The following SPPL2B variants were observed in gnomAD, a reference collection of about 807,000 sequenced individuals.
SPPL2B encodes signal peptide peptidase-like 2B.
SPPL2B carries 39 observed loss-of-function variants against 59.7 expected under a neutral mutation model. The ratio of observed to expected loss-of-function variants is 0.65; its 90% CI spans 0.51 to 0.85. The LOEUF (loss-of-function observed/expected upper bound fraction) is 0.85, where lower values mean the gene tolerates loss of function less well. SPPL2B is among the 40% of genes least tolerant of loss of function. The pLI, the probability that SPPL2B is intolerant of heterozygous loss-of-function variation, is 0.00. For synonymous variants in SPPL2B, 419 were observed against 370.8 expected, an observed-to-expected ratio of 1.13 and a Z score of -1.49; for missense variants, 865 against 849.0, an observed-to-expected ratio of 1.02 and a Z score of -0.23.
At chr19:2,348,776 T>A in intron 13 of SPPL2B, among the ~76,000 whole-genome samples, 1 of 130,720 alleles carries the variant, frequency 7.6e-6, no homozygotes, top group Non-Finnish European at 1.6e-5. Flanking sequence ...CGCGCTCTCA[T>A]TCGCTTGATT....
Position 2,341,473 on chromosome 19 carries a change from C to A in SPPL2B, c.956+459C>A, listed in dbSNP as rs561554444. On this transcript the variant is annotated intron_variant, in intron 8 of 14. Transcript: ENST00000613503. ...GAGGTGGGGCAGGCACTGCTCCCCC[C>A]ACGCTCACCTCCCACGTGGCCTGGA... 427 of 445,450 alleles carry A rather than the reference C, an allele frequency of 9.6e-4. 4 individuals are homozygous for A. Among genetic ancestry groups the A allele is most frequent in the African/African-American group, 7.1e-3 (355 of 50,056 alleles). 27.6% of individuals were successfully genotyped at this position (445,450 alleles called of 1,614,324 possible).
intron 12 of SPPL2B, among the ~76,000 whole-genome samples, chr19:2,344,933 T>TG (rs1969281757): frequency 6.6e-6 from 1 of 152,132 alleles, no homozygotes; most frequent in Admixed American, 6.5e-5. Context: ...GGGTCCTTGC[T>TG]GGGGCCTGGA....
At chr19:2,348,292 C>T (rs797016200) in intron 13 of SPPL2B, among the ~76,000 whole-genome samples, 60 of 46,694 alleles carry the variant, frequency 1.3e-3, no homozygotes, top group Non-Finnish European at 1.5e-3. Flanking sequence ...CCGTTCTCTC[C>T]CTCCACACAC....
intron 8 of SPPL2B, chr19:2,342,370 G>A (rs1313324771): frequency 6.6e-6 from 1 of 152,324 alleles, no homozygotes; most frequent in African/African-American, 2.4e-5. Context: ...TTAATAAACA[G>A]TTTGGGCACG....
intron 7 of SPPL2B, 79 bp from the exon 8 acceptor site, chr19:2,340,819 G>T: frequency 1.2e-6 from 1 of 808,510 alleles, no homozygotes; most frequent in Admixed American, 2.5e-5. Flanking sequence ...GGGGTGCCTG[G>T]GCCGGTCCCA....
chr19:2,343,935 G>C, intron 9 of SPPL2B, 30 bp from the exon 10 acceptor site: 1 of 1,530,444 alleles, frequency 6.5e-7, no homozygotes, highest in Non-Finnish European at 8.8e-7. Context: ...GGGCCGGGGT[G>C]GGGGCCGCCC....
At chr19:2,348,855 TCA>T (rs779148274) in intron 13 of SPPL2B, among the ~76,000 whole-genome samples, 1 of 127,920 alleles carries the variant, frequency 7.8e-6, no homozygotes, top group Admixed American at 8.5e-5. Context: ...CCACACACAC[TCA>T]CGCGCTGTCA....
rs1283174479 is a variant in SPPL2B, at chr19:2,351,266, A to G, written c.1355-168A>G. Among the ~76,000 whole-genome samples, 7 of 152,210 alleles carry G rather than the reference A, an allele frequency of 4.6e-5. 2 individuals carry two copies. Among genetic ancestry groups the G allele is most frequent in the South Asian group, 2.1e-4 (1 of 4,822 alleles). ...GGCCCAGGAGGTGCCGGAAGGATCC[A>G]TGTACTTTGGGGAGCCTGTGGCCCT... On this transcript the variant is annotated intron_variant, in intron 13 of 14. Transcript: ENST00000613503.
In SPPL2B at chr19:2,340,888, TG is replaced by T; in HGVS notation, c.840-9del. ...GGTGGGCTTGGCTCTGACTGCCCCG[TG>T]CCCCCCAGGATCCCCAACAACAGCC... On this transcript the variant is annotated splice_polypyrimidine_tract_variant and intron_variant, in intron 7 of 14. Coordinates refer to ENST00000613503, the MANE Select transcript of SPPL2B (RefSeq NM_152988.3). The T allele has an allele frequency of 6.4e-7, 1 of 1,560,610 alleles. No individual in the cohort carries two copies. Among genetic ancestry groups the T allele is most frequent in the South Asian group, 1.2e-5 (1 of 86,944 alleles).
intron 3 of SPPL2B, 49 bp from the exon 4 acceptor site, chr19:2,338,703 C>T (rs1317192234): frequency 7.4e-7 from 1 of 1,344,366 alleles, no homozygotes; most frequent in South Asian, 1.2e-5. Context: ...GCTGGGGGCC[C>T]ACCCACTGCT....
chr19:2,338,647 C>T (rs376978924), intron 3 of SPPL2B, 105 bp from the exon 4 acceptor site: 35 of 742,140 alleles, frequency 4.7e-5, no homozygotes, highest in East Asian at 4.0e-4. Flanking sequence ...CAGCCTGACC[C>T]GAGCCTCGAG....
chr19:2,341,208 G>GTGTCATGGGA (rs1969025297), intron 8 of SPPL2B, 194 bp downstream of exon 8: 1 of 692,598 alleles, frequency 1.4e-6, no homozygotes, highest in Non-Finnish European at 2.6e-6. Flanking sequence ...GTTTGTCCGG[G>GTGTCATGGGA]TGTCATGGGA....
chr19:2,340,591 T>C (rs1425446207), intron 7 of SPPL2B: 3 of 534,654 alleles, frequency 5.6e-6, no homozygotes, highest in African/African-American at 1.9e-5. Context: ...GGAGACCTTT[T>C]TGTGTTGCCG....
At chr19:2,336,997 GGT>G (rs1311566761) in intron 2 of SPPL2B, 4 of 158,470 alleles carry the variant, frequency 2.5e-5, no homozygotes, top group South Asian at 1.7e-4. Context: ...CCTGGCTGTG[GGT>G]GTGTGTGTGC....
chr19:2,331,720 C>T (rs1173119626), intron 1 of SPPL2B, among the ~76,000 whole-genome samples: 4 of 152,194 alleles, frequency 2.6e-5, no homozygotes, highest in Non-Finnish European at 5.9e-5. Context: ...TCACCAGAGT[C>T]CCTGATCCCA....
At chr19:2,336,628 G>C (rs1968635834) in intron 2 of SPPL2B, among the ~76,000 whole-genome samples, 2 of 151,114 alleles carry the variant, frequency 1.3e-5, no homozygotes. Flanking sequence ...TGTGTGCTCT[G>C]GCCTGGCTGT....
Position 2,328,726 on chromosome 19 carries a change from C to A in SPPL2B, c.17C>A (p.Ala6Glu), listed in dbSNP as rs1229136606. 3 of 1,454,798 alleles carry A rather than the reference C, an allele frequency of 2.1e-6. No homozygotes were observed. Among genetic ancestry groups the A allele is most frequent in the South Asian group, 2.7e-5 (2 of 73,032 alleles). 90.1% of individuals were successfully genotyped at this position (1,454,798 alleles called of 1,614,324 possible). A position where few individuals can be genotyped will look rare whatever the true frequency, so the allele number is the denominator to read the frequency against. The change falls in exon 1 of 15, where the codon GCG (alanine) becomes GAG (glutamate). Residue 6 changes from alanine to glutamate, a missense_variant. Transcript: ENST00000613503. MAAAV[A>E]AALARLLAAF... ...CCGGCCGACATGGCGGCAGCGGTGGCGGCTGCGCTGGCGCGGCTTTTGGCG... is the reference window on the plus strand; with the variant it reads ...CCGGCCGACATGGCGGCAGCGGTGGAGGCTGCGCTGGCGCGGCTTTTGGCG...
At position 2,339,013 on chromosome 19, in the gene SPPL2B, G is replaced by T; in HGVS notation, c.460-56G>T. 3 of 1,529,124 alleles carry T rather than the reference G, an allele frequency of 2.0e-6. No homozygotes were observed. The South Asian group carries it at 3.6e-5, about 18-fold the overall frequency. The allele number at this position is 1,529,124 out of a possible 1,614,324, so 94.7% of individuals were successfully genotyped here. A position where few individuals can be genotyped will look rare whatever the true frequency, so the allele number is the denominator to read the frequency against. ...GCCCCACAGCCCACAGCTGCACGTCGACCCATGGCTGGCGGGTGGCTCTGA... is the reference window on the plus strand; with the variant it reads ...GCCCCACAGCCCACAGCTGCACGTCTACCCATGGCTGGCGGGTGGCTCTGA... On this transcript the variant is annotated intron_variant, in intron 4 of 14. Coordinates refer to ENST00000613503, the MANE Select transcript of SPPL2B (RefSeq NM_152988.3).
chr19:2,346,282 G>C (rs891761716), intron 13 of SPPL2B, among the ~76,000 whole-genome samples: 2 of 152,222 alleles, frequency 1.3e-5, no homozygotes, highest in South Asian at 4.1e-4. Flanking sequence ...AGTTCAGGCC[G>C]GCCTGTCCCC....
Sources: gnomAD v4.1 joint callset for allele counts (sites outside exome capture counted in the v4.1 genomes callset) on GRCh38, gnomAD v4.1.1 for gene constraint, MANE v1.5 for transcripts, NCBI Gene and HGNC (gene_info 2026-07-23, HGNC 2026-07-21) for gene names.